The following FOCAD variants were observed in gnomAD, a reference collection of about 807,000 sequenced individuals.
FOCAD encodes focadhesin.
A neutral mutation model predicts 225.6 loss-of-function variants in FOCAD; 198 were observed. The ratio of observed to expected loss-of-function variants is 0.88; its 90% CI spans 0.78 to 0.99. The LOEUF (loss-of-function observed/expected upper bound fraction) is 0.99. Among genes scored for constraint, FOCAD ranks in the 50% least tolerant of loss-of-function variants. FOCAD has a pLI of 0.00. For synonymous variants in FOCAD, 897 were observed against 755.0 expected, an observed-to-expected ratio of 1.19 and a Z score of -3.08; for missense variants, 2,713 against 2,123.6, an observed-to-expected ratio of 1.28 and a Z score of -5.46.
chr9:20,929,150 T>C, intron 26 of FOCAD: 1 of 514,470 alleles, frequency 1.9e-6, no homozygotes, highest in South Asian at 3.0e-5. Flanking sequence ...AAAAGGATAT[T>C]ATTAATTATT....
chr9:20,711,170 G>C (rs1365299164), intron 1 of FOCAD, among the ~76,000 whole-genome samples: 1 of 152,202 alleles, frequency 6.6e-6, no homozygotes, highest in East Asian at 1.9e-4. Context: ...TAACAGAGAT[G>C]TGCTATGAAA....
intron 10 of FOCAD, among the ~76,000 whole-genome samples, chr9:20,785,155 C>G (rs1205121795): frequency 6.6e-6 from 1 of 152,020 alleles, no homozygotes; most frequent in Non-Finnish European, 1.5e-5. Flanking sequence ...CTCATTTTAC[C>G]TAAGAGTTAA....
chr9:20,837,908 C>T (rs943791519), intron 15 of FOCAD, among the ~76,000 whole-genome samples: 3 of 152,030 alleles, frequency 2.0e-5, no homozygotes, highest in African/African-American at 7.2e-5. Flanking sequence ...CCAAATTAGA[C>T]TTAACCTTGA....
At chr9:20,951,613 G>A (rs1017501167) in intron 34 of FOCAD, among the ~76,000 whole-genome samples, 1 of 152,124 alleles carries the variant, frequency 6.6e-6, no homozygotes, top group African/African-American at 2.4e-5. Context: ...AAAAAATAAT[G>A]GGGTAGTACA....
chr9:20,776,906 A>C (rs1344694536), intron 8 of FOCAD, among the ~76,000 whole-genome samples: 1 of 152,218 alleles, frequency 6.6e-6, no homozygotes, highest in Non-Finnish European at 1.5e-5. Context: ...ATAGCAAAGA[A>C]TGGTATGATA....
chr9:20,954,242 C>A (rs1165170908), intron 35 of FOCAD, among the ~76,000 whole-genome samples: 1 of 152,040 alleles, frequency 6.6e-6, no homozygotes, highest in Non-Finnish European at 1.5e-5. Flanking sequence ...GTTTATGTTA[C>A]CATAAATTAA....
intron 4 of FOCAD, among the ~76,000 whole-genome samples, chr9:20,724,734 C>CA (rs914252673): frequency 2.0e-4 from 29 of 145,514 alleles, no homozygotes; most frequent in Admixed American, 2.7e-4. Flanking sequence ...TTTATGTTTA[C>CA]AAAAAAAAAA....
At chr9:20,916,049 C>G (rs957871502) in intron 23 of FOCAD, among the ~76,000 whole-genome samples, 5 of 152,150 alleles carry the variant, frequency 3.3e-5, no homozygotes, top group African/African-American at 1.2e-4. Flanking sequence ...TTAAGAGTGA[C>G]TCATTCTCAG....
intron 35 of FOCAD, among the ~76,000 whole-genome samples, chr9:20,962,156 T>C (rs1838789970): frequency 6.6e-6 from 1 of 152,138 alleles, no homozygotes; most frequent in Non-Finnish European, 1.5e-5. Flanking sequence ...TCCGTGATGT[T>C]CCCAGATTAA....
chr9:20,873,723 C>G (rs1011828902), intron 18 of FOCAD: 2 of 152,036 alleles, frequency 1.3e-5, no homozygotes, highest in South Asian at 2.1e-4. Flanking sequence ...CTTCTACCCC[C>G]CTGCAAGAAT....
At chr9:20,905,598 AG>A (rs1382500935) in intron 21 of FOCAD, among the ~76,000 whole-genome samples, 7 of 152,066 alleles carry the variant, frequency 4.6e-5, no homozygotes, top group Non-Finnish European at 8.8e-5. Context: ...CTGTCAAAAT[AG>A]GGCTCGAAGA....
At chr9:20,994,072 TA>T (rs957344830) in intron 43 of FOCAD, among the ~76,000 whole-genome samples, 1 of 152,220 alleles carries the variant, frequency 6.6e-6, no homozygotes, top group Non-Finnish European at 1.5e-5. Flanking sequence ...ACTGCCTTTT[TA>T]ATTTTAACAT....
At position 20,786,538 on chromosome 9, in the gene FOCAD, A is replaced by G. The variant is rs150877743; in HGVS notation, c.1198-2813A>G. Among the ~76,000 whole-genome samples, 325 of 152,260 alleles carry G rather than the reference A, an allele frequency of 2.1e-3. 3 individuals carry two copies. In the East Asian group the frequency reaches 0.043, roughly 20 times the overall value. ...GATTAATATCCTCTAGCAAAAATCT[A>G]TCTTACTTTTAAAGGTCTATATGTT... On this transcript the variant is annotated intron_variant, in intron 10 of 43. Transcript: ENST00000338382.
chr9:20,676,516 G>A (rs1164439528), intron 2 of FOCAD, among the ~76,000 whole-genome samples: 5 of 152,100 alleles, frequency 3.3e-5, no homozygotes, highest in Non-Finnish European at 4.4e-5. Context: ...CTCACATTAT[G>A]GTAAAGTCAT....
chr9:20,862,630 A>G lies in FOCAD; in HGVS notation c.1973A>G (p.Asp658Gly). The change falls in exon 16 of 44, where the codon GAC becomes GGC. Residue 658 changes from aspartate to glycine, a missense_variant. Asp to Gly is a moderately conservative substitution (Grantham distance 94). Transcript: ENST00000338382. ...WNALSPKLSC[D>G]TRPLILKTLS... is the part of the protein sequence containing the mutation. ...GCTCTCTCTCCAAAGCTGAGTTGTGACACAAGACCTCTCATTCTGAAGACA... is the reference window on the plus strand; with the variant it reads ...GCTCTCTCTCCAAAGCTGAGTTGTGGCACAAGACCTCTCATTCTGAAGACA... 6.2e-7 allele frequency: 1 copy of G among 1,613,636 alleles called. No homozygotes were observed. Among genetic ancestry groups the G allele is most frequent in the East Asian group, 2.2e-5 (1 of 44,838 alleles).
chr9:20,955,414 C>CATA (rs1838045363), intron 35 of FOCAD, among the ~76,000 whole-genome samples: 1 of 152,004 alleles, frequency 6.6e-6, no homozygotes, highest in Admixed American at 6.6e-5. Context: ...ATAAGATGTT[C>CATA]ATAGCATCCA....
chr9:20,831,947 C>T (rs1415811215), intron 15 of FOCAD, among the ~76,000 whole-genome samples: 2 of 152,028 alleles, frequency 1.3e-5, no homozygotes, highest in South Asian at 2.1e-4. Flanking sequence ...TGGAGTCATA[C>T]AATATATTGC....
At chr9:20,680,455 G>T (rs558876770), upstream of FOCAD, among the ~76,000 whole-genome samples, 33 of 152,260 alleles carry the variant, frequency 2.2e-4, no homozygotes, top group African/African-American at 7.7e-4. Flanking sequence ...CTACTTGGGA[G>T]GCTGAGGCAG....
chr9:20,850,509 A>G (rs1354383026), intron 15 of FOCAD, among the ~76,000 whole-genome samples: 1 of 151,844 alleles, frequency 6.6e-6, no homozygotes, highest in African/African-American at 2.4e-5. Flanking sequence ...TGTTATAGCA[A>G]TTTTATTTTA....
Sources: gnomAD v4.1 joint callset for allele counts (sites outside exome capture counted in the v4.1 genomes callset) on GRCh38, gnomAD v4.1.1 for gene constraint, MANE v1.5 for transcripts, NCBI Gene and HGNC (gene_info 2026-07-23, HGNC 2026-07-21) for gene names.